The following SRFBP1 variants were observed in gnomAD, a reference collection of about 807,000 sequenced individuals.
SRFBP1 encodes the protein serum response factor binding protein 1.
SRFBP1 carries 47 observed loss-of-function variants against 45.5 expected under a neutral mutation model. That is an observed-to-expected ratio of 1.03 (90% confidence interval 0.82 to 1.32). SRFBP1 has a LOEUF of 1.32. Ranked by LOEUF, SRFBP1 falls within the 40% of genes most tolerant of loss-of-function variation. The pLI is 0.00. For synonymous variants in SRFBP1, 203 were observed against 166.3 expected (o/e 1.22, Z -1.70); for missense variants, 621 against 484.6 (o/e 1.28, Z -2.64).
chr5:122,035,025 TC>T (rs1292667193), intron 2 of SRFBP1, among the ~76,000 whole-genome samples: 1 of 151,910 alleles, frequency 6.6e-6, no homozygotes, highest in Non-Finnish European at 1.5e-5. Context: ...TCTGTCCCTT[TC>T]CAGGGATACA....
intron 7 of SRFBP1, among the ~76,000 whole-genome samples, chr5:122,023,264 T>G (rs1580532294): frequency 1.3e-5 from 2 of 152,168 alleles, no homozygotes; most frequent in African/African-American, 4.8e-5. Context: ...TGGATGGCCA[T>G]TTCACTTTTC....
At chr5:122,011,953 A>G (rs1753103173) in intron 4 of SRFBP1, among the ~76,000 whole-genome samples, 1 of 152,090 alleles carries the variant, frequency 6.6e-6, no homozygotes, top group Admixed American at 6.5e-5. Context: ...CTTATATTTC[A>G]TTTATTTTCA....
chr5:122,002,275 G>T (rs998733766), intron 4 of SRFBP1, among the ~76,000 whole-genome samples: 2 of 152,060 alleles, frequency 1.3e-5, no homozygotes, highest in Non-Finnish European at 2.9e-5. Flanking sequence ...TCTTCTTAAG[G>T]TTTCATTAAC....
At chr5:121,981,273 A>G (rs1752401605) in intron 3 of SRFBP1, among the ~76,000 whole-genome samples, 1 of 152,046 alleles carries the variant, frequency 6.6e-6, no homozygotes, top group African/African-American at 2.4e-5. Context: ...AGTGAAGGAG[A>G]AAAAGAACCA....
At chr5:121,997,274 G>A (rs966576822) in intron 4 of SRFBP1, among the ~76,000 whole-genome samples, 6 of 148,456 alleles carry the variant, frequency 4.0e-5, no homozygotes, top group Admixed American at 1.3e-4. Context: ...ATACTACAAG[G>A]CTACAGTAAC....
chr5:122,033,650 C>T (rs918318735), intron 2 of SRFBP1, among the ~76,000 whole-genome samples: 5 of 150,618 alleles, frequency 3.3e-5, no homozygotes, highest in Admixed American at 6.6e-5. Flanking sequence ...GTAGAGATGG[C>T]GTTTCACCGT....
rs1271730132 is a variant in SRFBP1, at chr5:122,027,863, A to T, written c.*737A>T. On this transcript the variant is annotated 3_prime_UTR_variant, in exon 8 of 8. Coordinates refer to ENST00000339397, the MANE Select transcript of SRFBP1 (RefSeq NM_152546.3). ...TTAGTTAAGAAAATTGTTTAAATAT[A>T]GCAATACAACCAATAATTTGTTTTA... is the stretch of plus-strand genomic sequence containing the variant. 6.6e-6 allele frequency: 1 copy of T among 152,210 alleles called. No individual in the cohort carries two copies. The allele number at this position is 152,210 out of a possible 1,614,324, so 9.4% of individuals were successfully genotyped here.
chr5:122,049,425 T>C (rs1753926849), intron 2 of SRFBP1, among the ~76,000 whole-genome samples: 1 of 152,046 alleles, frequency 6.6e-6, no homozygotes, highest in Admixed American at 6.6e-5. Context: ...ACAATAATAA[T>C]AGGAGACTTT....
rs115030426 is a variant in SRFBP1 at position 121,988,597 on chromosome 5, G to A, written c.199-6002G>A. On this transcript the variant is annotated intron_variant, in intron 3 of 7. Coordinates refer to ENST00000339397, the MANE Select transcript of SRFBP1 (RefSeq NM_152546.3). ...AGCTCACCTGAGCCTAGGTGTTGAG[G>A]GTTTTTATTGGCTGTTAGTCACGTA... Among the ~76,000 whole-genome samples, 627 of 152,260 alleles carry A rather than the reference G, an allele frequency of 4.1e-3. 7 individuals carry two copies. Among genetic ancestry groups the A allele is most frequent in the African/African-American group, 0.015 (604 of 41,552 alleles).
chr5:122,002,556 T>G (rs745963077), intron 4 of SRFBP1, among the ~76,000 whole-genome samples: 2 of 152,232 alleles, frequency 1.3e-5, no homozygotes, highest in African/African-American at 2.4e-5. Flanking sequence ...AGATACTGCA[T>G]AGTTTTTACT....
chr5:122,048,511 T>G (rs1753905656), intron 2 of SRFBP1, among the ~76,000 whole-genome samples: 1 of 152,188 alleles, frequency 6.6e-6, no homozygotes, highest in Admixed American at 6.5e-5. Flanking sequence ...ATTCTCTTTT[T>G]TTGTTGTGTC....
intron 2 of SRFBP1, among the ~76,000 whole-genome samples, chr5:122,051,678 A>C (rs1753985213): frequency 7.3e-6 from 1 of 137,162 alleles, no homozygotes; most frequent in African/African-American, 2.7e-5. Context: ...TTTCTTGAAA[A>C]CCCTTCTTGG....
chr5:121,964,379 T>C (rs993628043), intron 1 of SRFBP1, among the ~76,000 whole-genome samples: 1 of 152,112 alleles, frequency 6.6e-6, no homozygotes, highest in African/African-American at 2.4e-5. Flanking sequence ...GTGTGTGATG[T>C]TCCCTTCCCT....
downstream of SRFBP1, among the ~76,000 whole-genome samples, chr5:122,033,135 T>TC (rs200753654): frequency 4.0e-3 from 613 of 152,168 alleles, 15 homozygotes; most frequent in East Asian, 0.052. Context: ...TTTTTGAATT[T>TC]TTTTTTTTGC....
chr5:122,057,655 A>T (rs1382335109), intron 2 of SRFBP1, among the ~76,000 whole-genome samples: 2 of 151,760 alleles, frequency 1.3e-5, no homozygotes, highest in Non-Finnish European at 2.9e-5. Flanking sequence ...AAAAAAAAAA[A>T]TACTGATTTT....
chr5:122,022,946 A>C (rs903127606), intron 7 of SRFBP1, among the ~76,000 whole-genome samples: 2 of 152,234 alleles, frequency 1.3e-5, no homozygotes, highest in African/African-American at 4.8e-5. Flanking sequence ...GCTGTGTTCC[A>C]CATAGTCATT....
intron 1 of SRFBP1, among the ~76,000 whole-genome samples, chr5:121,968,722 C>A (rs554771432): frequency 6.6e-6 from 1 of 152,194 alleles, no homozygotes; most frequent in Admixed American, 6.5e-5. Flanking sequence ...TGGTTTCCCC[C>A]AAAGGAGTAA....
intron 2 of SRFBP1, among the ~76,000 whole-genome samples, chr5:122,040,609 A>C (rs1040465679): frequency 1.3e-5 from 2 of 152,160 alleles, no homozygotes; most frequent in Admixed American, 6.5e-5. Flanking sequence ...CAGCCTTCAC[A>C]TACACCAACA....
chr5:122,067,536 G>A (rs1389415982), intron 2 of SRFBP1, among the ~76,000 whole-genome samples: 4 of 152,066 alleles, frequency 2.6e-5, no homozygotes, highest in Non-Finnish European at 5.9e-5. Context: ...CACACTCACT[G>A]CTGCTTACAC....
Sources: gnomAD v4.1 joint callset for allele counts (sites outside exome capture counted in the v4.1 genomes callset) on GRCh38, gnomAD v4.1.1 for gene constraint, MANE v1.5 for transcripts, NCBI Gene and HGNC (gene_info 2026-07-23, HGNC 2026-07-21) for gene names.